Variants in CSMD1 observed in about 807,000 individuals in gnomAD.
CSMD1 encodes the protein CUB and Sushi multiple domains 1, also known as CUB and sushi domain-containing protein 1.
CSMD1 carries 213 observed loss-of-function variants against 417.5 expected under a neutral mutation model. The ratio of observed to expected loss-of-function variants is 0.51; its 90% CI spans 0.46 to 0.57. The LOEUF (loss-of-function observed/expected upper bound fraction) is 0.57. Among genes scored for constraint, CSMD1 ranks in the 20% least tolerant of loss-of-function variants. The pLI, the probability that CSMD1 is intolerant of heterozygous loss-of-function variation, is 0.00. For synonymous variants in CSMD1, 2,862 were observed against 1,736.8 expected, an observed-to-expected ratio of 1.65 and a Z score of -16.11; for missense variants, 6,923 against 4,529.7, an observed-to-expected ratio of 1.53 and a Z score of -15.17.
At chr8:4,296,567 T>C (rs1285158999) in intron 3 of CSMD1, among the ~76,000 whole-genome samples, 1 of 152,096 alleles carries the variant, frequency 6.6e-6, no homozygotes, top group East Asian at 1.9e-4. Context: ...AGGATGGATG[T>C]ATTTCTACAT....
At chr8:3,394,931 T>C (rs114388095) in intron 17 of CSMD1, among the ~76,000 whole-genome samples, 2,766 of 152,298 alleles carry the variant, frequency 0.018, 77 homozygotes, top group African/African-American at 0.062. Context: ...AATATTTTTA[T>C]CTAAAAGTAG....
intron 1 of CSMD1, among the ~76,000 whole-genome samples, chr8:4,730,706 A>C (rs1170244420): frequency 6.6e-6 from 1 of 151,998 alleles, no homozygotes. Flanking sequence ...GTGCCACTGC[A>C]CTCCAGCCTG....
intron 1 of CSMD1, among the ~76,000 whole-genome samples, chr8:4,681,891 A>G (rs888727106): frequency 6.6e-6 from 1 of 152,146 alleles, no homozygotes; most frequent in Admixed American, 6.5e-5. Flanking sequence ...CTCAGAACAA[A>G]TGTTCAGAGT....
At chr8:3,778,172 C>T (rs190522403) in intron 5 of CSMD1, among the ~76,000 whole-genome samples, 9 of 152,306 alleles carry the variant, frequency 5.9e-5, no homozygotes, top group East Asian at 5.8e-4. Flanking sequence ...AGATTAGAGG[C>T]GTCAGCAGGG....
intron 1 of CSMD1, among the ~76,000 whole-genome samples, chr8:4,984,678 G>C (rs1811078657): frequency 6.6e-6 from 1 of 152,202 alleles, no homozygotes; most frequent in African/African-American, 2.4e-5. Context: ...GATAGATGGA[G>C]AGAACAAACC....
chr8:3,783,448 G>A (rs896088415), intron 5 of CSMD1, among the ~76,000 whole-genome samples: 9 of 152,190 alleles, frequency 5.9e-5, no homozygotes, highest in African/African-American at 1.9e-4. Flanking sequence ...ATGGCAGGTC[G>A]GGAGCACAGA....
intron 23 of CSMD1, among the ~76,000 whole-genome samples, chr8:3,322,782 C>T (rs1806238106): frequency 6.6e-6 from 1 of 152,222 alleles, no homozygotes; most frequent in Non-Finnish European, 1.5e-5. Flanking sequence ...CCTCAAACAT[C>T]ACCAAGGAGG....
At chr8:4,408,019 C>T (rs907209035) in intron 3 of CSMD1, among the ~76,000 whole-genome samples, 2 of 152,136 alleles carry the variant, frequency 1.3e-5, no homozygotes, top group East Asian at 1.9e-4. Flanking sequence ...ACCAGCTGTC[C>T]ACTTACTCAC....
At chr8:3,987,858 G>C (rs563676215) in intron 5 of CSMD1, among the ~76,000 whole-genome samples, 13 of 152,278 alleles carry the variant, frequency 8.5e-5, no homozygotes, top group African/African-American at 3.1e-4. Flanking sequence ...AAAAGAAATG[G>C]TTCAGGGTCC....
chr8:3,914,190 C>T (rs890981888), intron 5 of CSMD1, among the ~76,000 whole-genome samples: 2 of 151,786 alleles, frequency 1.3e-5, no homozygotes, highest in Admixed American at 6.6e-5. Context: ...ACTTTTAACC[C>T]CCAAAAAGAG....
intron 3 of CSMD1, among the ~76,000 whole-genome samples, chr8:4,110,718 C>G (rs1482085612): frequency 2.0e-5 from 3 of 151,764 alleles, no homozygotes; most frequent in Non-Finnish European, 4.4e-5. Flanking sequence ...TTTTTTTTCC[C>G]CTTTCTCATG....
chr8:4,989,346 G>C (rs893708610), intron 1 of CSMD1, among the ~76,000 whole-genome samples: 2 of 152,020 alleles, frequency 1.3e-5, no homozygotes, highest in Non-Finnish European at 2.9e-5. Flanking sequence ...GGTTGGACTT[G>C]TTTACCACTG....
intron 3 of CSMD1, among the ~76,000 whole-genome samples, chr8:4,178,150 T>C (rs1247993195): frequency 2.6e-5 from 4 of 152,084 alleles, no homozygotes; most frequent in African/African-American, 7.2e-5. Flanking sequence ...TAGACCAATA[T>C]CCTTGATGCA....
intron 5 of CSMD1, among the ~76,000 whole-genome samples, chr8:3,788,429 A>G (rs1479695659): frequency 1.3e-5 from 2 of 152,140 alleles, no homozygotes; most frequent in African/African-American, 2.4e-5. Context: ...GGTGCCCAAC[A>G]GAAGAACCAG....
intron 4 of CSMD1, among the ~76,000 whole-genome samples, chr8:4,029,557 A>G (rs1348734566): frequency 1.3e-5 from 2 of 151,954 alleles, no homozygotes; most frequent in African/African-American, 2.4e-5. Flanking sequence ...TGGTTCAATT[A>G]CCTCCCACTG....
chr8:3,236,890 C>G (rs753030592), intron 26 of CSMD1, among the ~76,000 whole-genome samples: 13 of 152,092 alleles, frequency 8.5e-5, no homozygotes, highest in Non-Finnish European at 1.8e-4. Flanking sequence ...GCCCTGTTTT[C>G]CAGTTTCCCA....
intron 6 of CSMD1, among the ~76,000 whole-genome samples, chr8:3,736,706 C>T (rs1326038292): frequency 1.3e-5 from 2 of 152,200 alleles, no homozygotes; most frequent in Admixed American, 6.5e-5. Flanking sequence ...GGGATAAGGA[C>T]ACACCTGCTT....
intron 3 of CSMD1, among the ~76,000 whole-genome samples, chr8:4,065,431 G>C (rs2194603): frequency 0.6 from 91,633 of 152,092 alleles, 28,384 homozygotes; most frequent in Non-Finnish European, 0.65. Context: ...GAGAATAATT[G>C]AATCAATATA....
At chr8:3,499,690 T>C (rs904423254) in intron 10 of CSMD1, among the ~76,000 whole-genome samples, 2 of 152,014 alleles carry the variant, frequency 1.3e-5, no homozygotes, top group African/African-American at 2.4e-5. Flanking sequence ...ACTTGTGGTA[T>C]AGGGTACTTC....
Sources: gnomAD v4.1 joint callset for allele counts (sites outside exome capture counted in the v4.1 genomes callset) on GRCh38, gnomAD v4.1.1 for gene constraint, MANE v1.5 for transcripts, NCBI Gene and HGNC (gene_info 2026-07-23, HGNC 2026-07-21) for gene names.